The following LRRIQ1 variants were observed in gnomAD, a reference collection of about 807,000 sequenced individuals.
The protein encoded by LRRIQ1 is leucine rich repeats and IQ motif containing 1, also known as leucine-rich repeat- and IQ domain-containing protein 1.
Under a neutral mutation model 211.9 loss-of-function variants are expected in LRRIQ1, and 210 were observed. That is an observed-to-expected ratio of 0.99 (90% confidence interval 0.89 to 1.11). The LOEUF is 1.11. LRRIQ1 is among the 50% of genes most tolerant of loss of function. LRRIQ1 has a pLI of 0.00. For synonymous variants in LRRIQ1, 699 were observed against 650.1 expected (o/e 1.08, Z -1.14); for missense variants, 2,136 against 1,939.5 (o/e 1.10, Z -1.90).
chr12:85,250,822 A>G (rs1895891346), intron 1 of LRRIQ1, among the ~76,000 whole-genome samples: 1 of 116,480 alleles, frequency 8.6e-6, no homozygotes, highest in Non-Finnish European at 1.7e-5. Flanking sequence ...TATATAATAT[A>G]TATTATAGAT....
intron 15 of LRRIQ1, among the ~76,000 whole-genome samples, chr12:85,118,507 T>TTTC (rs1263478160): frequency 2.0e-5 from 3 of 151,350 alleles, no homozygotes; most frequent in African/African-American, 7.3e-5. Flanking sequence ...ATGTTTTTTT[T>TTTC]TTTTTTTTGC....
chr12:85,271,558 T>G, the LRRIQ1 span, among the ~76,000 whole-genome samples: 1 of 152,144 alleles, frequency 6.6e-6, no homozygotes, highest in South Asian at 2.1e-4. Context: ...AAAAATAGTT[T>G]CCAGAGCTCT....
At chr12:85,175,539 G>T (rs2660456) in intron 24 of LRRIQ1, among the ~76,000 whole-genome samples, 1 of 152,118 alleles carries the variant, frequency 6.6e-6, no homozygotes, top group Non-Finnish European at 1.5e-5. Flanking sequence ...CATTGGCTTC[G>T]TTCAGGGGTT....
At chr12:85,103,183 T>G (rs1354915982) in intron 13 of LRRIQ1, among the ~76,000 whole-genome samples, 1 of 150,608 alleles carries the variant, frequency 6.6e-6, no homozygotes, top group Non-Finnish European at 1.5e-5. Flanking sequence ...TTAATATCAC[T>G]ATTTTTGTTT....
At chr12:85,259,620 T>G (rs979680165) in intron 1 of LRRIQ1, among the ~76,000 whole-genome samples, 24 of 152,136 alleles carry the variant, frequency 1.6e-4, no homozygotes, top group African/African-American at 5.8e-4. Context: ...ACTCAAGCTT[T>G]TAATCACACC....
intron 24 of LRRIQ1, among the ~76,000 whole-genome samples, chr12:85,173,641 A>G (rs891066034): frequency 1.3e-5 from 2 of 151,976 alleles, no homozygotes; most frequent in Non-Finnish European, 2.9e-5. Context: ...ACACGCACAC[A>G]CACATACACA....
rs370616669 is a variant in LRRIQ1 at position 85,121,729 on chromosome 12, G to A, written c.3410G>A (p.Arg1137Lys). The A allele has an allele frequency of 3.8e-6, 6 of 1,595,684 alleles. No individual in the cohort carries two copies. Among genetic ancestry groups the A allele is most frequent in the African/African-American group, 2.7e-5 (2 of 74,116 alleles). Residue 1137 changes from arginine (R) to lysine (K), a missense_variant, in exon 16 of 27, where the codon AGA (arginine) becomes AAA (lysine). Coordinates refer to ENST00000393217, the MANE Select transcript of LRRIQ1 (RefSeq NM_001079910.2). ...DSLLKVLPAL[R>K]ILNGNILNSN... Reference sequence around the variant, plus strand: ...CTACTTAAAGTGTTGCCTGCTCTGAGAATCCTCAATGGCAATATACTAAAC... The same window carrying A: ...CTACTTAAAGTGTTGCCTGCTCTGAAAATCCTCAATGGCAATATACTAAAC...
In LRRIQ1 at chr12:85,160,678, A is replaced by G; in HGVS notation, c.4786A>G (p.Lys1596Glu). The G allele has an allele frequency of 6.2e-7, 1 of 1,610,644 alleles. No homozygotes were observed. Among genetic ancestry groups the G allele is most frequent in the South Asian group, 1.1e-5 (1 of 90,882 alleles). ...TAAAGTGTCTCTTCCAAAATCACCA[A>G]AGATGGTACAGCCCAGAAGAGATGG... ...ENKVSLPKSP[K>E]MVQPRRDGYF... is the part of the protein sequence containing the mutation. Residue 1596 changes from lysine to glutamate, a missense_variant, in exon 24 of 27, where the codon AAG (lysine) becomes GAG (glutamate). Transcript: ENST00000393217.
intron 24 of LRRIQ1, chr12:85,162,934 T>A (rs1325042971): frequency 5.4e-6 from 2 of 367,050 alleles, no homozygotes; most frequent in Non-Finnish European, 1.0e-5. Flanking sequence ...TGGAAGTTTT[T>A]TTTAACAGTT....
chr12:85,136,658 A>G (rs988456999), intron 18 of LRRIQ1, among the ~76,000 whole-genome samples: 2 of 150,474 alleles, frequency 1.3e-5, no homozygotes, highest in African/African-American at 4.9e-5. Context: ...AGAGGGTTTC[A>G]CCATTTTGTA....
At chr12:85,217,772 GTCTC>G (rs139792547) in intron 24 of LRRIQ1, among the ~76,000 whole-genome samples, 19,797 of 141,104 alleles carry the variant, frequency 0.14, 2,924 homozygotes, top group African/African-American at 0.44. Context: ...AAATGTGTGT[GTCTC>G]TCTCTATATA....
At chr12:85,099,105 A>C (rs1483149623) in intron 13 of LRRIQ1, 111 bp downstream of exon 13, 6 of 585,662 alleles carry the variant, frequency 1.0e-5, no homozygotes, top group Non-Finnish European at 1.6e-5. Context: ...ATGAGATTGC[A>C]TCAAAATAAA....
downstream of LRRIQ1, among the ~76,000 whole-genome samples, chr12:85,248,608 T>A (rs1895804980): frequency 6.6e-6 from 1 of 151,660 alleles, no homozygotes; most frequent in Non-Finnish European, 1.5e-5. Context: ...CTCCTGAAGT[T>A]GTTCTTTGGT....
chr12:85,223,054 C>T (rs771941503), intron 24 of LRRIQ1, among the ~76,000 whole-genome samples: 79 of 151,984 alleles, frequency 5.2e-4, no homozygotes, highest in Non-Finnish European at 1.5e-4. Context: ...TGAGTTACTT[C>T]GGAATCCAGG....
At chr12:85,122,256 A>C (rs577547095) in intron 16 of LRRIQ1, among the ~76,000 whole-genome samples, 149 of 152,266 alleles carry the variant, frequency 9.8e-4, no homozygotes, top group African/African-American at 3.4e-3. Flanking sequence ...AACACCTAGA[A>C]TAGAGTGAGG....
rs117137025 is a variant in LRRIQ1, at chr12:85,090,361, G to A, written c.2888-7994G>A. Among the ~76,000 whole-genome samples, 492 of 152,246 alleles carry A rather than the reference G, an allele frequency of 3.2e-3. 2 individuals carry two copies. Among genetic ancestry groups the A allele is most frequent in the Admixed American group, 5.6e-3 (85 of 15,284 alleles). Reference sequence around the variant, plus strand: ...AGTAGAGCTAAGAGAAGGGTACCACGGTCCTCCAGACTCAAGAATTGTAGA... The same window carrying A: ...AGTAGAGCTAAGAGAAGGGTACCACAGTCCTCCAGACTCAAGAATTGTAGA... On this transcript the variant is annotated intron_variant, in intron 11 of 26. Transcript: ENST00000393217.
chr12:85,080,485 A>G (rs1300455960), intron 11 of LRRIQ1, among the ~76,000 whole-genome samples: 2 of 151,460 alleles, frequency 1.3e-5, no homozygotes, highest in African/African-American at 2.4e-5. Context: ...TTATATATGT[A>G]TATTTTTTAT....
In LRRIQ1 at chr12:85,121,823, G is replaced by A; in HGVS notation, c.3504G>A (p.Gln1168=). The A allele has an allele frequency of 6.2e-7, 1 of 1,606,546 alleles. No homozygotes were observed. The highest frequency in any genetic ancestry group is 8.5e-7 in the Non-Finnish European group (1 of 1,176,646). ...LGSAGFLALC[Q]SQIREFNLLI... is the part of the protein sequence containing the mutation. ...CAGCAGGTTTCCTGGCACTTTGTCA[G>A]TCTCAGATTCGAGAATTCAACTTGC... is the stretch of plus-strand genomic sequence containing the variant. The change falls in exon 16 of 27, where the codon CAG becomes CAA. Residue 1168 remains glutamine (Q), a synonymous_variant. Coordinates refer to ENST00000393217, the MANE Select transcript of LRRIQ1 (RefSeq NM_001079910.2).
chr12:85,044,710 TTC>T lies in LRRIQ1; in HGVS notation c.245-4_245-3del. On this transcript the variant is annotated splice_polypyrimidine_tract_variant and splice_region_variant and intron_variant, in intron 3 of 26. Coordinates refer to ENST00000393217, the MANE Select transcript of LRRIQ1 (RefSeq NM_001079910.2). ...ATTGGAAGTTATATACATTTTTTCT[TTC>T]TCTAGGCTGTAGTTATGGAGCAGTT... 1 of 1,431,050 alleles carries T rather than the reference TTC, an allele frequency of 7.0e-7. No individual in the cohort carries two copies. The highest frequency in any genetic ancestry group is 9.7e-7 in the Non-Finnish European group (1 of 1,030,086). The allele number at this position is 1,431,050 out of a possible 1,614,324, so 88.6% of individuals were successfully genotyped here.
Sources: gnomAD v4.1 joint callset for allele counts (sites outside exome capture counted in the v4.1 genomes callset) on GRCh38, gnomAD v4.1.1 for gene constraint, MANE v1.5 for transcripts, NCBI Gene and HGNC (gene_info 2026-07-23, HGNC 2026-07-21) for gene names.